TAPT1: variants seen among roughly 807,000 people sequenced by gnomAD.
The protein encoded by TAPT1 is transmembrane anterior posterior transformation 1.
A neutral mutation model predicts 65.6 loss-of-function variants in TAPT1; 28 were observed. The ratio of observed to expected loss-of-function variants is 0.43; its 90% CI spans 0.32 to 0.59. The LOEUF (loss-of-function observed/expected upper bound fraction) is 0.59. TAPT1 is among the 20% of genes least tolerant of loss of function. The pLI is 0.09. For missense variants in TAPT1, 563 were observed against 679.9 expected (o/e 0.83, Z 1.91); for synonymous variants, 278 against 245.2 (o/e 1.13, Z -1.25).
chr4:16,195,624 T>C (rs1415456611), intron 3 of TAPT1, among the ~76,000 whole-genome samples: 5 of 152,252 alleles, frequency 3.3e-5, no homozygotes, highest in African/African-American at 1.2e-4. Flanking sequence ...AAAATTTTAC[T>C]TTTTATTCTT....
chr4:16,194,589 A>G (rs545999658), intron 3 of TAPT1, among the ~76,000 whole-genome samples: 45 of 152,318 alleles, frequency 3.0e-4, no homozygotes, highest in Non-Finnish European at 5.7e-4. Flanking sequence ...TCTCATCTCA[A>G]TAAATTGCTG....
rs551300427 is a variant in TAPT1, at chr4:16,208,979, T to C, written c.330+4789A>G. ...CTGGGGCTCAAGCAATCCTTCTGCC[T>C]CAGTCTCTCGAGTAGCTAGGACTAC... is the stretch of plus-strand genomic sequence containing the variant. On this transcript the variant is annotated intron_variant, in intron 2 of 13. Coordinates refer to ENST00000405303, the MANE Select transcript of TAPT1 (RefSeq NM_153365.3). Among the ~76,000 whole-genome samples, 5 of 152,290 alleles carry C rather than the reference T, an allele frequency of 3.3e-5. No homozygotes were observed. In the South Asian group the frequency reaches 1.0e-3, roughly 32 times the overall value.
rs567614266 is a variant in TAPT1 at position 16,226,249 on chromosome 4, C to T, written c.199+10G>A. ...CGGAGCCCGCCACGGCCTAGCGCCGCCCGCCTCACCTGTGCGGCCCCGGCG... is the reference window on the plus strand; with the variant it reads ...CGGAGCCCGCCACGGCCTAGCGCCGTCCGCCTCACCTGTGCGGCCCCGGCG... On this transcript the variant is annotated intron_variant, in intron 1 of 13. Transcript: ENST00000405303. 7.9e-5 allele frequency: 88 copies of T among 1,118,010 alleles called. 1 individual carries two copies. The African/African-American group carries it at 1.2e-3, about 16-fold the overall frequency. The allele number at this position is 1,118,010 out of a possible 1,614,324, so 69.3% of individuals were successfully genotyped here.
intron 10 of TAPT1, 143 bp downstream of exon 10, chr4:16,174,523 ATGTT>A: frequency 1.4e-6 from 1 of 723,822 alleles, no homozygotes; most frequent in South Asian, 2.1e-5. Context: ...TAATTTGTAA[ATGTT>A]TATTTAGTGT....
At chr4:16,186,344 A>T (rs1045913939) in intron 7 of TAPT1, among the ~76,000 whole-genome samples, 191 bp downstream of exon 7, 1 of 152,206 alleles carries the variant, frequency 6.6e-6, no homozygotes, top group African/African-American at 2.4e-5. Flanking sequence ...AAATGTTTCT[A>T]ATTTTTTTAT....
chr4:16,202,391 C>T, intron 3 of TAPT1, 71 bp downstream of exon 3: 6 of 980,912 alleles, frequency 6.1e-6, no homozygotes, highest in South Asian at 1.5e-5. Context: ...TATCCTTACT[C>T]TGCAACCACT....
At chr4:16,172,173 T>G (rs914782276) in intron 11 of TAPT1, among the ~76,000 whole-genome samples, 1 of 152,174 alleles carries the variant, frequency 6.6e-6, no homozygotes, top group African/African-American at 2.4e-5. Context: ...TTCATAAATA[T>G]TTTGGTATAA....
intron 3 of TAPT1, among the ~76,000 whole-genome samples, chr4:16,195,217 C>T (rs940569593): frequency 1.3e-5 from 2 of 152,186 alleles, no homozygotes; most frequent in Non-Finnish European, 2.9e-5. Context: ...TTTATTTGTT[C>T]CTTCTCTGCC....
chr4:16,177,842 A>G (rs1748437709), intron 8 of TAPT1, among the ~76,000 whole-genome samples: 1 of 152,058 alleles, frequency 6.6e-6, no homozygotes, highest in Non-Finnish European at 1.5e-5. Context: ...AGAAATTTTA[A>G]TAAACCTAAA....
chr4:16,191,653 T>A, intron 3 of TAPT1, 130 bp from the exon 4 acceptor site: 1 of 1,024,572 alleles, frequency 9.8e-7, no homozygotes, highest in Non-Finnish European at 1.4e-6. Context: ...TTTAAAAACT[T>A]CAAACAAGGG....
chr4:16,198,782 T>G (rs1453747557), intron 3 of TAPT1, among the ~76,000 whole-genome samples: 1 of 152,208 alleles, frequency 6.6e-6, no homozygotes, highest in Non-Finnish European at 1.5e-5. Context: ...AAAATCTGGC[T>G]ATTTCTAAAT....
At chr4:16,188,486 A>G (rs1749155737) in intron 4 of TAPT1, 131 bp from the exon 5 acceptor site, 1 of 655,438 alleles carries the variant, frequency 1.5e-6, no homozygotes, top group African/African-American at 1.9e-5. Context: ...AAGAGGAGTG[A>G]GGATCTTTGT....
intron 2 of TAPT1, among the ~76,000 whole-genome samples, chr4:16,212,631 C>CA (rs1222184137): frequency 6.6e-6 from 1 of 152,182 alleles, no homozygotes; most frequent in Non-Finnish European, 1.5e-5. Flanking sequence ...CAGGCCCCCC[C>CA]AGGGAACTCT....
At chr4:16,195,591 G>A (rs892652585) in intron 3 of TAPT1, among the ~76,000 whole-genome samples, 1 of 152,162 alleles carries the variant, frequency 6.6e-6, no homozygotes, top group Admixed American at 6.5e-5. Context: ...CACCCTTACA[G>A]AAACCAAATT....
intron 3 of TAPT1, chr4:16,196,691 T>C (rs1209763854): frequency 3.9e-6 from 5 of 1,288,954 alleles, no homozygotes; most frequent in African/African-American, 1.5e-5. Flanking sequence ...CATTCCATTC[T>C]ATAAAGGAAG....
intron 2 of TAPT1, among the ~76,000 whole-genome samples, chr4:16,205,532 T>C (rs998025932): frequency 2.6e-5 from 4 of 152,132 alleles, no homozygotes; most frequent in Admixed American, 6.6e-5. Flanking sequence ...AACCGCATGC[T>C]AAGTGCCAGA....
intron 2 of TAPT1, among the ~76,000 whole-genome samples, chr4:16,210,721 T>C (rs1750601243): frequency 6.6e-6 from 1 of 152,152 alleles, no homozygotes; most frequent in African/African-American, 2.4e-5. Flanking sequence ...GCAGAGAAAG[T>C]ATAGTTTAAT....
At chr4:16,186,404 GAT>G in intron 7 of TAPT1, 129 bp downstream of exon 7, 1 of 591,836 alleles carries the variant, frequency 1.7e-6, no homozygotes, top group Non-Finnish European at 3.0e-6. Context: ...ACCTAGTAAA[GAT>G]GTTGATAGCA....
intron 2 of TAPT1, among the ~76,000 whole-genome samples, chr4:16,206,358 C>T (rs924615837): frequency 2.6e-5 from 4 of 152,226 alleles, no homozygotes; most frequent in African/African-American, 4.8e-5. Context: ...ATTTTAAGCA[C>T]GTGACCCACA....
Sources: allele counts gnomAD v4.1 joint callset (sites outside exome capture counted in the v4.1 genomes callset), GRCh38; gene constraint gnomAD v4.1.1; transcripts MANE v1.5; gene names NCBI Gene and HGNC (gene_info 2026-07-23, HGNC 2026-07-21).